Variants in FNDC1 observed in about 807,000 individuals in gnomAD.
The protein encoded by FNDC1 is fibronectin type III domain containing 1.
FNDC1 carries 96 observed loss-of-function variants against 168.0 expected under a neutral mutation model. The ratio of observed to expected loss-of-function variants is 0.57; its 90% confidence interval spans 0.48 to 0.68. FNDC1 has a LOEUF of 0.68. Ranked by LOEUF, FNDC1 falls within the 30% of genes least tolerant of loss-of-function variation. The pLI is 0.00. For synonymous variants in FNDC1, 1,099 were observed against 1,025.9 expected (o/e 1.07, Z -1.36); for missense variants, 2,587 against 2,482.1 (o/e 1.04, Z -0.90).
intron 5 of FNDC1, among the ~76,000 whole-genome samples, chr6:159,220,881 G>A (rs920449155): frequency 1.3e-5 from 2 of 152,124 alleles, no homozygotes; most frequent in African/African-American, 2.4e-5. Flanking sequence ...AAGAATCCAC[G>A]TATAACGTGG....
rs1777264751 is a variant in FNDC1 at position 159,251,509 on chromosome 6, C to T, written c.5042C>T (p.Ala1681Val). ...TTTGTCATTGTGGACTGGGACAAAG[C>T]CACCCCAGGAGATGTGGTCACAGGT... is the stretch of plus-strand genomic sequence containing the variant. ...HSFVIVDWDK[A>V]TPGDVVTGYL... The change falls in exon 17 of 23, where the codon GCC becomes GTC. Residue 1681 changes from alanine (A) to valine (V), a missense_variant. By Grantham distance (64) the Ala-to-Val change is moderately conservative. Transcript: ENST00000297267. 3 of 1,613,540 alleles carry T rather than the reference C, an allele frequency of 1.9e-6. No individual in the cohort carries two copies. Among genetic ancestry groups the T allele is most frequent in the South Asian group, 2.2e-5 (2 of 90,966 alleles).
rs1269559197 is a variant in FNDC1, at chr6:159,233,886, A to C, written c.3374A>C (p.His1125Pro). The C allele has an allele frequency of 6.5e-7, 1 of 1,547,516 alleles. No homozygotes were observed. The highest frequency in any genetic ancestry group is 1.2e-5 in the South Asian group (1 of 83,836). Residue 1125 changes from histidine to proline, a missense_variant, in exon 11 of 23, where the codon CAC becomes CCC. Physicochemically the swap from His to Pro is moderately conservative, Grantham distance 77. Transcript: ENST00000297267. The surrounding 1 kb of genome is among the most constrained non-coding windows in gnomAD (Gnocchi z 4.6). Reference protein sequence around the residue: ...SPTGAGAGGDHRSQRGHAASP... With the variant: ...SPTGAGAGGDPRSQRGHAASP... ...ACAGGCGCAGGGGCAGGTGGCGACCACAGGTCCCAGCGCGGACATGCGGCC... is the reference window on the plus strand; with the variant it reads ...ACAGGCGCAGGGGCAGGTGGCGACCCCAGGTCCCAGCGCGGACATGCGGCC...
intron 17 of FNDC1, among the ~76,000 whole-genome samples, chr6:159,253,409 G>A (rs1777311867): frequency 6.6e-6 from 1 of 152,178 alleles, no homozygotes; most frequent in East Asian, 1.9e-4. Flanking sequence ...AAACTTAAAT[G>A]AAGCATCACA....
At chr6:159,198,641 C>T (rs1397941375) in intron 2 of FNDC1, among the ~76,000 whole-genome samples, 1 of 152,190 alleles carries the variant, frequency 6.6e-6, no homozygotes, top group Admixed American at 6.5e-5. Context: ...TATCTCCTTG[C>T]TCAAACCTTG....
chr6:159,221,469 A>T (rs399369), intron 5 of FNDC1, 129 bp from the exon 6 acceptor site: 3 of 694,252 alleles, frequency 4.3e-6, no homozygotes, highest in Middle Eastern at 3.8e-4. Flanking sequence ...AAGTGGGAAT[A>T]CCCCCAGAAA....
chr6:159,216,036 A>C (rs1268135846), intron 5 of FNDC1, among the ~76,000 whole-genome samples: 1 of 151,628 alleles, frequency 6.6e-6, no homozygotes, highest in Non-Finnish European at 1.5e-5. Context: ...ATCTTGGCCC[A>C]CGGCAACCTC....
At chr6:159,217,260 A>C (rs1782728085) in intron 5 of FNDC1, among the ~76,000 whole-genome samples, 1 of 152,216 alleles carries the variant, frequency 6.6e-6, no homozygotes, top group East Asian at 1.9e-4. Context: ...ACAGGGGCTC[A>C]GGAGACAGCC....
In FNDC1 at chr6:159,225,541, C is replaced by A; in HGVS notation, c.891C>A (p.Tyr297Ter). The A allele has an allele frequency of 6.2e-7, 1 of 1,611,498 alleles. No individual in the cohort carries two copies. Among genetic ancestry groups the A allele is most frequent in the Non-Finnish European group, 8.5e-7 (1 of 1,178,190 alleles). ...KQKKVVASRQ[Y>*]TVRYREKGEL... ...GTGTTGTGTTTTCTTACAGACAGTA[C>A]ACCGTGCGCTATCGAGAGAAGGGGG... Residue 297 changes from tyrosine to a stop codon, truncating the protein, a stop_gained, in exon 8 of 23, where the codon TAC becomes TAA. Coordinates refer to ENST00000297267, the MANE Select transcript of FNDC1 (RefSeq NM_032532.3). LOFTEE classifies it high-confidence loss of function.
intron 1 of FNDC1, among the ~76,000 whole-genome samples, chr6:159,184,443 C>T (rs564625472): frequency 1.3e-5 from 2 of 152,202 alleles, no homozygotes; most frequent in East Asian, 3.9e-4. Context: ...TTTACCTATG[C>T]CCATTCATAA....
chr6:159,189,652 T>C (rs1390513509), intron 1 of FNDC1, among the ~76,000 whole-genome samples: 1 of 152,212 alleles, frequency 6.6e-6, no homozygotes, highest in East Asian at 1.9e-4. Context: ...TCACCCCTCC[T>C]GGGCGTTGGA....
rs771334188 is a variant in FNDC1 at position 159,197,590 on chromosome 6, A to T, written c.269A>T (p.Asn90Ile). 2 of 1,613,364 alleles carry T rather than the reference A, an allele frequency of 1.2e-6. No individual in the cohort carries two copies. Among genetic ancestry groups the T allele is most frequent in the Admixed American group, 3.3e-5 (2 of 59,936 alleles). Residue 90 changes from asparagine to isoleucine, a missense_variant, in exon 2 of 23, where the codon AAT (asparagine) becomes ATT (isoleucine). By Grantham distance (149) the Asn-to-Ile change is moderately radical. Coordinates refer to ENST00000297267, the MANE Select transcript of FNDC1 (RefSeq NM_032532.3). ...SLKSLKYIKVNAETYSFLIED... is the reference protein window; with the variant it reads ...SLKSLKYIKVIAETYSFLIED... ...AAAAGTCTTAAATACATCAAGGTGA[A>T]TGCGGAGACATACTCCTTCCTTATT...
At chr6:159,257,682 G>T (rs544986431) in intron 18 of FNDC1, among the ~76,000 whole-genome samples, 6 of 152,196 alleles carry the variant, frequency 3.9e-5, no homozygotes, top group Non-Finnish European at 8.8e-5. Flanking sequence ...AATGAGCTGT[G>T]AATTTTCCTC....
chr6:159,268,821 CATCTATCTATCTATCTATCTATCT>C (rs59375644), intron 22 of FNDC1, among the ~76,000 whole-genome samples: 94,165 of 145,856 alleles, frequency 0.65, 31,086 homozygotes, highest in Middle Eastern at 0.77. Context: ...TCTATCTATT[CATCTATCTATCTATCTATCTATCT>C]ATCTATCTAT....
chr6:159,234,866 A>C (rs2114995242), intron 11 of FNDC1, among the ~76,000 whole-genome samples: 1 of 152,380 alleles, frequency 6.6e-6, no homozygotes, highest in Middle Eastern at 3.4e-3. Context: ...AATGTGTCAC[A>C]ACCATGATGC....
chr6:159,188,033 T>C (rs1336600808), intron 1 of FNDC1, among the ~76,000 whole-genome samples: 1 of 152,208 alleles, frequency 6.6e-6, no homozygotes, highest in Non-Finnish European at 1.5e-5. Context: ...GAGATCTGTG[T>C]TTTCTTCATT....
At chr6:159,184,369 G>A (rs1056149280) in intron 1 of FNDC1, among the ~76,000 whole-genome samples, 8 of 151,996 alleles carry the variant, frequency 5.3e-5, no homozygotes, top group East Asian at 1.9e-4. Context: ...TATTACAAAC[G>A]GATCCAAAAC....
chr6:159,209,429 G>C (rs1482110317), intron 4 of FNDC1, among the ~76,000 whole-genome samples: 1 of 152,228 alleles, frequency 6.6e-6, no homozygotes, highest in African/African-American at 2.4e-5. Context: ...GCACCTGAGA[G>C]AGTCCTGATG....
intron 1 of FNDC1, among the ~76,000 whole-genome samples, chr6:159,178,152 T>C (rs1233154965): frequency 6.6e-6 from 1 of 152,180 alleles, no homozygotes; most frequent in African/African-American, 2.4e-5. Flanking sequence ...CCAAAGGCCA[T>C]GACAACCTGA....
Position 159,225,595 on chromosome 6 carries a change from C to A in FNDC1, c.945C>A (p.Ile315=). The change falls in exon 8 of 23, where the codon ATC becomes ATA. Residue 315 remains isoleucine, a synonymous_variant. Transcript: ENST00000297267. ...GELARWDYKQ[I]ANRRVLIENL... is the part of the protein sequence containing the mutation. ...TGGCCAGGTGGGATTATAAGCAGAT[C>A]GCTAACAGGCGTGTGCTGATTGAGA... 1 of 1,613,822 alleles carries A rather than the reference C, an allele frequency of 6.2e-7. No individual in the cohort carries two copies. The highest frequency in any genetic ancestry group is 1.7e-5 in the Admixed American group (1 of 60,018).
Sources: gnomAD v4.1 joint callset for allele counts (sites outside exome capture counted in the v4.1 genomes callset) on GRCh38, gnomAD v4.1.1 for gene constraint, Gnocchi (gnomAD v3.1) non-coding constraint, MANE v1.5 for transcripts, NCBI Gene and HGNC (gene_info 2026-07-23, HGNC 2026-07-21) for gene names.